The following TECPR2 variants were observed in gnomAD, a reference collection of about 807,000 sequenced individuals.
TECPR2 encodes tectonin beta-propeller repeat containing 2, also known as tectonin beta-propeller repeat-containing protein 2.
In TECPR2, 65 loss-of-function variants were observed where a neutral mutation model predicts 138.1. The observed-to-expected ratio is 0.47, with a 90% CI of 0.39 to 0.58. TECPR2 has a LOEUF of 0.58. TECPR2 is among the 20% of genes least tolerant of loss of function. TECPR2 has a pLI of 0.00. For missense variants in TECPR2, 1,553 were observed against 1,824.5 expected (o/e 0.85, Z 2.71); for synonymous variants, 746 against 749.8 (o/e 0.99, Z 0.08).
intron 6 of TECPR2, among the ~76,000 whole-genome samples, chr14:102,426,128 C>T (rs1308796734): frequency 5.3e-5 from 8 of 151,396 alleles, no homozygotes; most frequent in African/African-American, 7.3e-5. Context: ...TCAGGTGATC[C>T]GCCAGCCTCG....
intron 3 of TECPR2, 86 bp from the exon 4 acceptor site, chr14:102,408,402 G>C: frequency 7.0e-7 from 1 of 1,431,656 alleles, no homozygotes; most frequent in Non-Finnish European, 9.3e-7. Context: ...CTAACTAGGA[G>C]TGATTGTATA....
chr14:102,422,007 G>T (rs1230664242), intron 5 of TECPR2, among the ~76,000 whole-genome samples: 1 of 152,090 alleles, frequency 6.6e-6, no homozygotes, highest in Non-Finnish European at 1.5e-5. Flanking sequence ...GAGAAATAAC[G>T]AGAACTCAGA....
chr14:102,395,907 G>A (rs1485238810), intron 2 of TECPR2, among the ~76,000 whole-genome samples: 1 of 152,230 alleles, frequency 6.6e-6, no homozygotes, highest in East Asian at 1.9e-4. Context: ...GTCATATTTA[G>A]ACGCATCATC....
Position 102,419,759 on chromosome 14 carries a change from T to A in TECPR2, c.638+4966T>A, listed in dbSNP as rs1889129920. 6.6e-6 allele frequency among the ~76,000 whole-genome samples: 1 copy of A among 152,178 alleles called. No homozygotes were observed. Among genetic ancestry groups the A allele is most frequent in the African/African-American group, 2.4e-5 (1 of 41,436 alleles). On this transcript the variant is annotated intron_variant, in intron 5 of 19. Transcript: ENST00000359520. This position sits in a 1 kb window ranked among gnomAD's most constrained non-coding sequence, Gnocchi z 4.8. ...ATCTGCAACCGTGGGTTTGCTGTCC[T>A]GTGTATTTATGTTGCATTGTTTCAT...
intron 2 of TECPR2, among the ~76,000 whole-genome samples, chr14:102,402,507 A>C (rs1047441592): frequency 1.2e-4 from 18 of 152,122 alleles, no homozygotes; most frequent in Admixed American, 9.8e-4. Context: ...AAGAAAAACT[A>C]AACTCAAAAC....
chr14:102,467,779 CT>C (rs111556038), intron 17 of TECPR2, among the ~76,000 whole-genome samples: 4 of 151,994 alleles, frequency 2.6e-5, no homozygotes, highest in African/African-American at 9.6e-5. Flanking sequence ...TTGAACATCC[CT>C]CTTTTCATGT....
rs562859689 is a variant in TECPR2, at chr14:102,419,843, A to G, written c.638+5050A>G. On this transcript the variant is annotated intron_variant, in intron 5 of 19. Transcript: ENST00000359520. This position sits in a 1 kb window ranked among gnomAD's most constrained non-coding sequence, Gnocchi z 4.8. ...CCCCTGTGAGTCTAGTACTCAGGGA[A>G]GCCCTCCCTGGCAGTAGCACTTTGC... Among the ~76,000 whole-genome samples, 11 of 152,308 alleles carry G rather than the reference A, an allele frequency of 7.2e-5. No homozygotes were observed. Among genetic ancestry groups the G allele is most frequent in the African/African-American group, 2.6e-4 (11 of 41,562 alleles).
intron 2 of TECPR2, among the ~76,000 whole-genome samples, chr14:102,401,387 T>G: frequency 7.3e-6 from 1 of 136,500 alleles, no homozygotes; most frequent in East Asian, 2.2e-4. Flanking sequence ...TGTAGTGAGC[T>G]GAGATTGCAC....
chr14:102,401,763 C>T (rs1415072815), intron 2 of TECPR2, among the ~76,000 whole-genome samples: 1 of 137,856 alleles, frequency 7.3e-6, no homozygotes, highest in Non-Finnish European at 1.5e-5. Flanking sequence ...CGAGATCGCA[C>T]CACTGTACTC....
At chr14:102,455,513 C>T (rs1009803158) in intron 16 of TECPR2, among the ~76,000 whole-genome samples, 2 of 152,218 alleles carry the variant, frequency 1.3e-5, no homozygotes, top group Non-Finnish European at 2.9e-5. Context: ...GTGGCACGAT[C>T]TTGGCTCACT....
At chr14:102,486,221 G>A (rs186897801) in intron 17 of TECPR2, among the ~76,000 whole-genome samples, 32 of 152,306 alleles carry the variant, frequency 2.1e-4, no homozygotes, top group Admixed American at 5.9e-4. Flanking sequence ...CAGCAGTGGA[G>A]CCTGTTTCTG....
At chr14:102,483,311 G>A (rs576300233) in intron 17 of TECPR2, among the ~76,000 whole-genome samples, 2 of 152,238 alleles carry the variant, frequency 1.3e-5, no homozygotes, top group South Asian at 4.1e-4. Context: ...CAGCCTATGT[G>A]CTGGTGGGTG....
Position 102,452,610 on chromosome 14 carries a change from T to C in TECPR2, c.3623T>C (p.Leu1208Pro), listed in dbSNP as rs563793974. Residue 1208 changes from leucine to proline, a missense_variant, in exon 16 of 20, where the codon CTG (leucine) becomes CCG (proline). Physicochemically the swap from Leu to Pro is moderately conservative, Grantham distance 98 (BLOSUM62 -3). Transcript: ENST00000359520. ...CCCACGGGCATGCACTGGACCAGGC[T>C]GGACCTCTCCCAGCTAGGTACGGCC... ...SCPTGMHWTR[L>P]DLSQLGAVKL... is the part of the protein sequence containing the mutation. 21 of 1,598,532 alleles carry C rather than the reference T, an allele frequency of 1.3e-5. No individual in the cohort carries two copies. In the South Asian group the frequency reaches 2.4e-4, roughly 18 times the overall value.
intron 2 of TECPR2, among the ~76,000 whole-genome samples, chr14:102,404,058 C>T (rs116349624): frequency 0.011 from 1,701 of 150,806 alleles, 36 homozygotes; most frequent in African/African-American, 0.034. Context: ...CAACTATGCC[C>T]GGCTTTTTTT....
intron 17 of TECPR2, among the ~76,000 whole-genome samples, chr14:102,493,937 C>G (rs2139799860): frequency 6.6e-6 from 1 of 152,368 alleles, no homozygotes; most frequent in Middle Eastern, 3.4e-3. Flanking sequence ...ACCCTTCCCT[C>G]TCTCCCCTCA....
chr14:102,483,159 G>A (rs772403546), intron 17 of TECPR2, among the ~76,000 whole-genome samples: 2 of 151,960 alleles, frequency 1.3e-5, no homozygotes, highest in African/African-American at 2.4e-5. Context: ...CCCAGAAGCC[G>A]TTCTAACACC....
chr14:102,498,265 C>G lies in TECPR2; in HGVS notation c.*8C>G. On this transcript the variant is annotated 3_prime_UTR_variant, in exon 20 of 20. Coordinates refer to ENST00000359520, the MANE Select transcript of TECPR2 (RefSeq NM_014844.5). ...GAGTGGGAGGTCATCTGAAGGAGCC[C>G]TGGCCGAGTCACGCGGAGGGGCCCG... 6.3e-7 allele frequency: 1 copy of G among 1,597,870 alleles called. No homozygotes were observed.
At chr14:102,460,065 GT>G (rs909266756) in intron 16 of TECPR2, among the ~76,000 whole-genome samples, 6 of 152,132 alleles carry the variant, frequency 3.9e-5, no homozygotes, top group African/African-American at 9.7e-5. Context: ...AAGGCCAGGA[GT>G]TTGAGACCAG....
intron 17 of TECPR2, among the ~76,000 whole-genome samples, chr14:102,472,982 T>C (rs2139778432): frequency 6.6e-6 from 1 of 152,378 alleles, no homozygotes; most frequent in South Asian, 2.1e-4. Flanking sequence ...TGTGCCAGGC[T>C]AATGCCTGAA....
Sources: gnomAD v4.1 joint callset for allele counts (sites outside exome capture counted in the v4.1 genomes callset) on GRCh38, gnomAD v4.1.1 for gene constraint, Gnocchi (gnomAD v3.1) non-coding constraint, MANE v1.5 for transcripts, NCBI Gene and HGNC (gene_info 2026-07-23, HGNC 2026-07-21) for gene names.